DROSHA: variants seen among roughly 807,000 people sequenced by gnomAD.
DROSHA encodes the protein drosha ribonuclease III.
In DROSHA, 56 loss-of-function variants were observed where a neutral mutation model predicts 181.9. That is an observed-to-expected ratio of 0.31 (90% CI 0.25 to 0.38). The LOEUF (loss-of-function observed/expected upper bound fraction) is 0.38. DROSHA is among the 10% of genes least tolerant of loss of function. DROSHA has a pLI of 1.00. For synonymous variants in DROSHA, 524 were observed against 591.2 expected (o/e 0.89, Z 1.65); for missense variants, 1,218 against 1,743.5 (o/e 0.70, Z 5.37).
intron 9 of DROSHA, 36 bp downstream of exon 9, chr5:31,510,999 G>T (rs13183642): frequency 0.26 from 415,531 of 1,602,116 alleles, 55,653 homozygotes; most frequent in East Asian, 0.39. Flanking sequence ...AGCTATAATC[G>T]CAAGGGTCTC....
chr5:31,508,746 C>T lies in DROSHA; in HGVS notation c.1462G>A (p.Asp488Asn). The change falls in exon 10 of 36, where the codon GAT becomes AAT. Residue 488 changes from aspartate (D) to asparagine (N), a missense_variant. By Grantham distance (23) the Asp-to-Asn change is conservative. This residue lies in a region of DROSHA where 460 missense variants were observed against 774.2 expected (regional missense o/e 0.59). Transcript: ENST00000344624. ...CTGCTAGAACAGGTGCTGTCCTCATCAGACTCACACTCGGATTCACTGGAA... is the reference window on the plus strand; with the variant it reads ...CTGCTAGAACAGGTGCTGTCCTCATTAGACTCACACTCGGATTCACTGGAA... ...ESSSESECES[D>N]EDSTCSSSSD... is the part of the protein sequence containing the mutation. The T allele has an allele frequency of 6.2e-7, 1 of 1,613,828 alleles. No individual in the cohort carries two copies.
chr5:31,404,817 AT>A (rs779977378), intron 35 of DROSHA, among the ~76,000 whole-genome samples: 6 of 152,192 alleles, frequency 3.9e-5, no homozygotes, highest in African/African-American at 1.4e-4. Flanking sequence ...TTAAAAAAAA[AT>A]GTCCACCAAT....
chr5:31,463,669 C>T lies in DROSHA; in HGVS notation c.2574+567G>A, dbSNP rs182359514. 3.3e-5 allele frequency among the ~76,000 whole-genome samples: 5 copies of T among 152,160 alleles called. No homozygotes were observed. The East Asian group carries it at 7.7e-4, about 24-fold the overall frequency. ...ATATAAATTCCACCCATAGGAAAAACAAAAATGCTTATTAGTCAGTCAGTT... is the reference window on the plus strand; with the variant it reads ...ATATAAATTCCACCCATAGGAAAAATAAAAATGCTTATTAGTCAGTCAGTT... On this transcript the variant is annotated intron_variant, in intron 20 of 35. Transcript: ENST00000344624.
rs150142912 is a variant in DROSHA, at chr5:31,413,030, TACA to T, written c.3526-2146_3526-2144del. Among the ~76,000 whole-genome samples, 256 of 152,226 alleles carry T rather than the reference TACA, an allele frequency of 1.7e-3. 7 individuals carry two copies. In the East Asian group the frequency reaches 0.035, roughly 21 times the overall value. Reference sequence around the variant, plus strand: ...GTATATGGAATGTTCATGCCTCAGATACAACAAGCCCAACGCACACATGAGCAC... The same window carrying T: ...GTATATGGAATGTTCATGCCTCAGATACAAGCCCAACGCACACATGAGCAC... On this transcript the variant is annotated intron_variant, in intron 30 of 35. Coordinates refer to ENST00000344624, the MANE Select transcript of DROSHA (RefSeq NM_001382508.1).
chr5:31,495,852 T>C (rs1329770602), intron 11 of DROSHA, among the ~76,000 whole-genome samples: 2 of 152,202 alleles, frequency 1.3e-5, no homozygotes, highest in Non-Finnish European at 2.9e-5. Context: ...GTCCCCTTTA[T>C]TGCAGCTGCC....
rs747610669 is a variant in DROSHA at position 31,472,067 on chromosome 5, C to T, written c.2237G>A (p.Gly746Glu). The T allele has an allele frequency of 1.2e-6, 2 of 1,613,482 alleles. No homozygotes were observed. Among genetic ancestry groups the T allele is most frequent in the South Asian group, 2.2e-5 (2 of 90,986 alleles). Residue 746 changes from glycine to glutamate, a missense_variant, in exon 17 of 36, where the codon GGG becomes GAG. Physicochemically the swap from Gly to Glu is moderately conservative, Grantham distance 98 (BLOSUM62 -2). Coordinates refer to ENST00000344624, the MANE Select transcript of DROSHA (RefSeq NM_001382508.1). Reference protein sequence around the residue: ...ECKGMIVTNPGTKPSSVRIDQ... With the variant: ...ECKGMIVTNPETKPSSVRIDQ... ...TATACAGACACCAGAACATACCGTC[C>T]CAGGGTTGGTAACAATCATGCCTTT... is the stretch of plus-strand genomic sequence containing the variant.
In DROSHA at chr5:31,411,375, C is replaced by A. The variant is rs1020599962; in HGVS notation, c.3526-488G>T. Among the ~76,000 whole-genome samples the A allele has an allele frequency of 4.6e-5, 7 of 152,096 alleles. No individual in the cohort carries two copies. Among genetic ancestry groups the A allele is most frequent in the African/African-American group, 1.4e-4 (6 of 41,418 alleles). On this transcript the variant is annotated intron_variant, in intron 30 of 35. Transcript: ENST00000344624. This position sits in a 1 kb window ranked among gnomAD's most constrained non-coding sequence, Gnocchi z 4.2. ...CAAACAAATTCCCAGCATCTCCATG[C>A]AGTGAATCCTTCCCAACCCCTGACC...
At chr5:31,446,372 G>C (rs541131207) in intron 23 of DROSHA, among the ~76,000 whole-genome samples, 1 of 146,124 alleles carries the variant, frequency 6.8e-6, no homozygotes, top group Non-Finnish European at 1.5e-5. Context: ...GCGTGAACCC[G>C]GGAGGTAGAG....
chr5:31,481,422 TC>T (rs1329629539), intron 16 of DROSHA, among the ~76,000 whole-genome samples: 3 of 152,188 alleles, frequency 2.0e-5, no homozygotes, highest in Admixed American at 6.5e-5. Flanking sequence ...CTGCCCACTT[TC>T]TCTCAGACAT....
chr5:31,476,429 A>G (rs973069283), intron 16 of DROSHA, among the ~76,000 whole-genome samples: 1 of 152,224 alleles, frequency 6.6e-6, no homozygotes, highest in Non-Finnish European at 1.5e-5. Flanking sequence ...CTTCTTATTT[A>G]GGTACAACGC....
chr5:31,510,743 C>A lies in DROSHA; in HGVS notation c.1432+292G>T, dbSNP rs188889640. 8.5e-4 allele frequency among the ~76,000 whole-genome samples: 130 copies of A among 152,326 alleles called. 1 individual carries two copies. The highest frequency in any genetic ancestry group is 3.0e-3 in the African/African-American group (125 of 41,564). On this transcript the variant is annotated intron_variant, in intron 9 of 35. Transcript: ENST00000344624. The stretch of plus-strand genomic sequence containing the variant: ...CCTCATGAGAGGCAGGGGGCATGGG[C>A]TCCTGCTCTCGGAAAGATGCTGAAC...
intron 9 of DROSHA, among the ~76,000 whole-genome samples, chr5:31,509,469 A>G (rs987198463): frequency 6.6e-6 from 1 of 152,216 alleles, no homozygotes; most frequent in African/African-American, 2.4e-5. Flanking sequence ...GAAGGAGCAC[A>G]TGTGACCCAG....
intron 20 of DROSHA, among the ~76,000 whole-genome samples, chr5:31,453,477 CA>C (rs1449017596): frequency 6.6e-6 from 1 of 152,176 alleles, no homozygotes; most frequent in Non-Finnish European, 1.5e-5. Context: ...GCTAAGATTA[CA>C]TAGGTGTGAG....
At chr5:31,511,011 G>C (rs1561276613) in intron 9 of DROSHA, 24 bp downstream of exon 9, 2 of 1,613,396 alleles carry the variant, frequency 1.2e-6, no homozygotes, top group Admixed American at 1.7e-5. Context: ...AAGGGTCTCA[G>C]GCTAGTTAGT....
At chr5:31,495,177 T>C (rs1752831008) in intron 12 of DROSHA, 109 bp downstream of exon 12, 3 of 1,265,906 alleles carry the variant, frequency 2.4e-6, no homozygotes, top group Non-Finnish European at 3.3e-6. Context: ...AAAAATAAAA[T>C]ATTTTTCAAA....
chr5:31,406,361 A>G (rs939130690), intron 34 of DROSHA, among the ~76,000 whole-genome samples: 2 of 152,056 alleles, frequency 1.3e-5, no homozygotes, highest in Non-Finnish European at 2.9e-5. Context: ...AAACACAAAA[A>G]TTAGCAGGCA....
chr5:31,475,907 T>C (rs1322397870), intron 16 of DROSHA, among the ~76,000 whole-genome samples: 2 of 152,078 alleles, frequency 1.3e-5, no homozygotes, highest in Non-Finnish European at 2.9e-5. Flanking sequence ...AAAAGGGAAA[T>C]GGACTGGGGA....
intron 13 of DROSHA, among the ~76,000 whole-genome samples, chr5:31,490,716 G>T (rs1752303074): frequency 6.6e-6 from 1 of 152,102 alleles, no homozygotes; most frequent in African/African-American, 2.4e-5. Flanking sequence ...AGCAAGAAAA[G>T]GAATCAGATT....
At chr5:31,408,727 T>C (rs1289646450) in intron 33 of DROSHA, 1 of 218,376 alleles carries the variant, frequency 4.6e-6, no homozygotes, top group Non-Finnish European at 9.2e-6. Flanking sequence ...AGAAGACAAA[T>C]ATAAAAATGT....
Sources: allele counts gnomAD v4.1 joint callset (sites outside exome capture counted in the v4.1 genomes callset), GRCh38; gene constraint gnomAD v4.1.1; regional missense constraint gnomAD v4.1.1; non-coding constraint Gnocchi (gnomAD v3.1); transcripts MANE v1.5; gene names NCBI Gene and HGNC (gene_info 2026-07-23, HGNC 2026-07-21).